PDE4D: variants seen among roughly 807,000 people sequenced by gnomAD.
PDE4D encodes the protein 3',5'-cyclic-AMP phosphodiesterase 4D.
PDE4D carries 24 observed loss-of-function variants against 87.4 expected under a neutral mutation model. The ratio of observed to expected loss-of-function variants is 0.27; its 90% CI spans 0.20 to 0.39. PDE4D has a LOEUF of 0.39. Among genes scored for constraint, PDE4D ranks in the 10% least tolerant of loss-of-function variants. The pLI is 1.00. For missense variants in PDE4D, 714 were observed against 1,041.0 expected (o/e 0.69, Z 4.32); for synonymous variants, 384 against 383.2 (o/e 1.00, Z -0.02).
intron 1 of PDE4D, chr5:60,520,879 C>G (rs1751009028): frequency 6.6e-6 from 1 of 152,562 alleles, no homozygotes; most frequent in Non-Finnish European, 1.5e-5. Context: ...ATTCCACAGA[C>G]ATGCCAGGAA....
intron 2 of PDE4D, among the ~76,000 whole-genome samples, chr5:60,073,494 T>TC (rs1772955934): frequency 7.6e-6 from 1 of 131,580 alleles, no homozygotes; most frequent in Admixed American, 7.4e-5. Context: ...TGCCAGGTGT[T>TC]TTTTTTTTTT....
chr5:59,736,029 G>T (rs889158335), intron 1 of PDE4D, among the ~76,000 whole-genome samples: 3 of 151,606 alleles, frequency 2.0e-5, no homozygotes, highest in African/African-American at 7.3e-5. Context: ...ACTAGAAATA[G>T]TTGCTTAAAA....
intron 1 of PDE4D, among the ~76,000 whole-genome samples, chr5:60,511,101 C>T (rs1281865332): frequency 6.6e-6 from 1 of 152,120 alleles, no homozygotes; most frequent in Non-Finnish European, 1.5e-5. Flanking sequence ...TCCCAAGTAG[C>T]TGGGATTATA....
Position 59,530,943 on chromosome 5 carries a change from T to C in PDE4D, c.456-314975A>G, listed in dbSNP as rs192008657. ...GACTCAGTCTGAACATCCTCAATTG[T>C]TTGCCTTAGACCAAATTCTAAGTGA... On this transcript the variant is annotated intron_variant, in intron 1 of 14. Transcript: ENST00000340635. Among the ~76,000 whole-genome samples the C allele has an allele frequency of 1.2e-3, 176 of 152,334 alleles. 1 individual carries two copies. Among genetic ancestry groups the C allele is most frequent in the African/African-American group, 4.0e-3 (167 of 41,586 alleles).
At chr5:59,794,916 A>C (rs1766286103) in intron 1 of PDE4D, among the ~76,000 whole-genome samples, 1 of 152,170 alleles carries the variant, frequency 6.6e-6, no homozygotes, top group African/African-American at 2.4e-5. Context: ...GACACAGCTC[A>C]TCACTCAGGG....
At chr5:60,508,354 G>A (rs1750416275) in intron 1 of PDE4D, among the ~76,000 whole-genome samples, 1 of 152,130 alleles carries the variant, frequency 6.6e-6, no homozygotes. Flanking sequence ...ACTGTGTCTA[G>A]GTCAACTTTA....
chr5:59,050,803 A>G (rs190849674), intron 5 of PDE4D, among the ~76,000 whole-genome samples: 113 of 152,362 alleles, frequency 7.4e-4, no homozygotes, highest in Admixed American at 1.8e-3. Context: ...TACATTGAGA[A>G]TTACAGGGTT....
At chr5:59,762,664 G>A (rs953040303) in intron 1 of PDE4D, among the ~76,000 whole-genome samples, 2 of 135,666 alleles carry the variant, frequency 1.5e-5, no homozygotes, top group Non-Finnish European at 3.3e-5. Context: ...GTGTATATAG[G>A]TACGTATGTG....
intron 1 of PDE4D, among the ~76,000 whole-genome samples, chr5:60,468,046 A>G (rs1561288487): frequency 6.6e-6 from 1 of 152,078 alleles, no homozygotes; most frequent in East Asian, 1.9e-4. Flanking sequence ...TTGTAGAACC[A>G]AGCCACTCAA....
At chr5:59,738,049 T>C (rs1324512933) in intron 1 of PDE4D, among the ~76,000 whole-genome samples, 2 of 152,172 alleles carry the variant, frequency 1.3e-5, no homozygotes, top group African/African-American at 4.8e-5. Flanking sequence ...TAAAATACTT[T>C]AAAATTCAGT....
intron 1 of PDE4D, among the ~76,000 whole-genome samples, chr5:59,828,728 A>G (rs1189280560): frequency 6.6e-6 from 1 of 152,094 alleles, no homozygotes; most frequent in Non-Finnish European, 1.5e-5. Context: ...GTTATATACA[A>G]CTGAGGGAAT....
chr5:60,123,921 T>A (rs556666767), intron 2 of PDE4D, among the ~76,000 whole-genome samples: 1 of 152,156 alleles, frequency 6.6e-6, no homozygotes, highest in East Asian at 1.9e-4. Flanking sequence ...TAATACTGCA[T>A]GGAAATCTTT....
intron 1 of PDE4D, among the ~76,000 whole-genome samples, chr5:59,600,652 AG>A (rs1460403714): frequency 6.6e-6 from 1 of 152,160 alleles, no homozygotes; most frequent in Non-Finnish European, 1.5e-5. Context: ...TAATCCAGTT[AG>A]ACAGCAGAGG....
intron 1 of PDE4D, among the ~76,000 whole-genome samples, chr5:59,774,717 C>T (rs1246758638): frequency 2.1e-5 from 3 of 146,252 alleles, no homozygotes; most frequent in Non-Finnish European, 3.0e-5. Flanking sequence ...AGACACAGTC[C>T]GGCTTTGTTG....
intron 1 of PDE4D, among the ~76,000 whole-genome samples, chr5:59,760,549 C>T (rs1302313475): frequency 6.6e-6 from 1 of 152,106 alleles, no homozygotes; most frequent in East Asian, 1.9e-4. Flanking sequence ...TTCAGTGCAT[C>T]GAGCACAGTA....
At chr5:60,352,594 G>A (rs1366676074) in intron 1 of PDE4D, among the ~76,000 whole-genome samples, 1 of 152,164 alleles carries the variant, frequency 6.6e-6, no homozygotes, top group African/African-American at 2.4e-5. Flanking sequence ...TAGAATATTG[G>A]TATTTTCAAT....
chr5:60,456,377 C>T (rs528218212), intron 1 of PDE4D, among the ~76,000 whole-genome samples: 1 of 152,352 alleles, frequency 6.6e-6, no homozygotes, highest in South Asian at 2.1e-4. Flanking sequence ...CTACTGTTAA[C>T]ATGGCATTTC....
intron 1 of PDE4D, among the ~76,000 whole-genome samples, chr5:59,658,013 T>C (rs1448080095): frequency 6.6e-6 from 1 of 152,212 alleles, no homozygotes; most frequent in Non-Finnish European, 1.5e-5. Context: ...TATGTAAACT[T>C]ATAAACTGGT....
intron 2 of PDE4D, chr5:60,147,793 G>T (rs754850040): frequency 2.2e-6 from 1 of 455,994 alleles, no homozygotes; most frequent in South Asian, 1.6e-5. Flanking sequence ...TTGGCTGGAG[G>T]CCTCCATATT....
Sources: gnomAD v4.1 joint callset for allele counts (sites outside exome capture counted in the v4.1 genomes callset) on GRCh38, gnomAD v4.1.1 for gene constraint, MANE v1.5 for transcripts, NCBI Gene and HGNC (gene_info 2026-07-23, HGNC 2026-07-21) for gene names.